Variants in HACD1 observed in about 807,000 individuals in gnomAD.
The protein encoded by HACD1 is very-long-chain (3R)-3-hydroxyacyl-CoA dehydratase 1.
Under a neutral mutation model 32.0 loss-of-function variants are expected in HACD1, and 41 were observed. That is an observed-to-expected ratio of 1.28 (90% CI 1.00 to 1.66). The LOEUF is 1.66. HACD1 is among the 40% of genes most tolerant of loss of function. HACD1 has a pLI of 0.00. For missense variants in HACD1, 396 were observed against 380.1 expected (o/e 1.04, Z -0.35); for synonymous variants, 142 against 139.0 (o/e 1.02, Z -0.15).
chr10:17,616,644 T>TAA (rs11343373), intron 1 of HACD1, among the ~76,000 whole-genome samples: 1,514 of 125,244 alleles, frequency 0.012, 40 homozygotes, highest in African/African-American at 0.043. Flanking sequence ...TGCTGTGCTT[T>TAA]AAAAAAAAAA....
In HACD1 at chr10:17,617,218, G is replaced by A. The variant is rs1554818261; in HGVS notation, c.122C>T (p.Ala41Val). The A allele has an allele frequency of 2.0e-6, 3 of 1,492,280 alleles. No individual in the cohort carries two copies. Among genetic ancestry groups the A allele is most frequent in the Non-Finnish European group, 2.7e-6 (3 of 1,126,334 alleles). The allele number at this position is 1,492,280 out of a possible 1,614,324, so 92.4% of individuals were successfully genotyped here. ...GTTGGTGCCGTCCTCGTCGCTGGAC[G>A]CCATGGTGGCCGCGCACCTGGGGGA... is the stretch of plus-strand genomic sequence containing the variant. The part of the protein sequence containing the change: ...PTSPRCAATM[A>V]SSDEDGTNGG... Residue 41 changes from alanine (A) to valine (V), a missense_variant, in exon 1 of 7, where the codon GCG (alanine) becomes GTG (valine). Coordinates refer to ENST00000361271, the MANE Select transcript of HACD1 (RefSeq NM_014241.4).
intron 4 of HACD1, among the ~76,000 whole-genome samples, chr10:17,602,237 T>C (rs1554816603): frequency 6.6e-6 from 1 of 151,940 alleles, no homozygotes. Context: ...ATCTGGCTGA[T>C]TTTTGTATTT....
intron 5 of HACD1, among the ~76,000 whole-genome samples, chr10:17,595,052 T>C (rs968220169): frequency 9.2e-5 from 14 of 151,834 alleles, no homozygotes; most frequent in Non-Finnish European, 1.9e-4. Flanking sequence ...AGAGACAGGG[T>C]TTCACCATGT....
intron 1 of HACD1, among the ~76,000 whole-genome samples, chr10:17,605,426 G>A (rs1462762672): frequency 6.6e-6 from 1 of 151,772 alleles, no homozygotes; most frequent in Non-Finnish European, 1.5e-5. Context: ...TCCGGAGGCT[G>A]AGGCAGGAGA....
At chr10:17,614,914 G>A (rs1194894577) in intron 1 of HACD1, among the ~76,000 whole-genome samples, 3 of 152,108 alleles carry the variant, frequency 2.0e-5, no homozygotes, top group East Asian at 2.0e-4. Context: ...CATGGCGCCC[G>A]GCTAATTTTT....
At chr10:17,606,856 A>G (rs1554817107) in intron 1 of HACD1, among the ~76,000 whole-genome samples, 3 of 152,164 alleles carry the variant, frequency 2.0e-5, no homozygotes, top group Admixed American at 6.5e-5. Flanking sequence ...ACTGTTTTCA[A>G]TTCATAACAT....
intron 1 of HACD1, among the ~76,000 whole-genome samples, chr10:17,615,184 A>G (rs1554817884): frequency 6.6e-6 from 1 of 152,262 alleles, no homozygotes; most frequent in African/African-American, 2.4e-5. Context: ...TTCCAAGAGT[A>G]TAATTTAGGA....
chr10:17,616,221 A>T, intron 1 of HACD1, among the ~76,000 whole-genome samples: 1 of 109,166 alleles, frequency 9.2e-6, no homozygotes, highest in East Asian at 2.3e-4. Context: ...GTGAGCCGAG[A>T]TCCCGCCACT....
intron 1 of HACD1, among the ~76,000 whole-genome samples, chr10:17,614,241 C>G (rs1833036439): frequency 6.6e-6 from 1 of 151,984 alleles, no homozygotes; most frequent in Admixed American, 6.6e-5. Context: ...ACATCCTGGG[C>G]AATATAGCAA....
At chr10:17,613,126 G>C in intron 1 of HACD1, among the ~76,000 whole-genome samples, 1 of 139,202 alleles carries the variant, frequency 7.2e-6, no homozygotes, top group African/African-American at 2.6e-5. Flanking sequence ...GTGTGTGTGT[G>C]TGTGTGTGTG....
At chr10:17,600,309 C>G (rs1386325807) in intron 4 of HACD1, among the ~76,000 whole-genome samples, 1 of 152,176 alleles carries the variant, frequency 6.6e-6, no homozygotes, top group Non-Finnish European at 1.5e-5. Flanking sequence ...CAGTTATTTG[C>G]TCACCACCTT....
At chr10:17,613,550 T>G (rs1282709512) in intron 1 of HACD1, among the ~76,000 whole-genome samples, 1 of 152,230 alleles carries the variant, frequency 6.6e-6, no homozygotes, top group Non-Finnish European at 1.5e-5. Context: ...TCTCTATGTA[T>G]GCAAATCTTA....
At chr10:17,608,806 C>A (rs1439474796) in intron 1 of HACD1, among the ~76,000 whole-genome samples, 1 of 152,096 alleles carries the variant, frequency 6.6e-6, no homozygotes, top group Non-Finnish European at 1.5e-5. Context: ...ATATATTGTT[C>A]ATTGACACCT....
intron 4 of HACD1, among the ~76,000 whole-genome samples, chr10:17,601,878 C>G (rs1834074501): frequency 6.6e-6 from 1 of 151,868 alleles, no homozygotes; most frequent in Non-Finnish European, 1.5e-5. Context: ...AGTGAGCTGT[C>G]CCCATGCAGA....
intron 1 of HACD1, among the ~76,000 whole-genome samples, chr10:17,605,411 G>A (rs978021635): frequency 1.8e-4 from 28 of 151,784 alleles, no homozygotes; most frequent in African/African-American, 6.5e-4. Flanking sequence ...TGTAGTCCCA[G>A]CTACTCCGGA....
At position 17,603,975 on chromosome 10, in the gene HACD1, A is replaced by G. The variant is rs2131513073; in HGVS notation, c.330T>C (p.Ser110=). ...GGAAAAATTTAAGTGTCTTCTGAAT[A>G]CTTTTATATAAACCTCTGTGTGTTC... The part of the protein sequence containing the change: ...EKGTHRGLYK[S]IQKTLKFFQT... Residue 110 remains serine (S), a synonymous_variant, in exon 2 of 7, where the codon AGT becomes AGC. Transcript: ENST00000361271. 6.2e-7 allele frequency: 1 copy of G among 1,612,748 alleles called. No individual in the cohort carries two copies. Among genetic ancestry groups the G allele is most frequent in the Non-Finnish European group, 8.5e-7 (1 of 1,179,530 alleles).
intron 1 of HACD1, among the ~76,000 whole-genome samples, chr10:17,609,051 A>C (rs1409426420): frequency 6.6e-6 from 1 of 152,122 alleles, no homozygotes; most frequent in African/African-American, 2.4e-5. Context: ...ATATTTGCAA[A>C]TCACATATCT....
chr10:17,617,147 G>T lies in HACD1; in HGVS notation c.193C>A (p.Arg65=). ...GTGGCCAAGACCCCCAGGCGCCTCC[G>T]CTCGCCGGGAGCCTCCCGGTCCTCG... ...AGEDREAPGE[R]RRLGVLATAW... Residue 65 remains arginine (R), a synonymous_variant, in exon 1 of 7, where the codon CGG becomes AGG. Coordinates refer to ENST00000361271, the MANE Select transcript of HACD1 (RefSeq NM_014241.4). The T allele has an allele frequency of 6.6e-7, 1 of 1,507,674 alleles. No homozygotes were observed. Among genetic ancestry groups the T allele is most frequent in the Non-Finnish European group, 8.8e-7 (1 of 1,131,616 alleles). 93.4% of individuals were successfully genotyped at this position (1,507,674 alleles called of 1,614,324 possible).
intron 5 of HACD1, among the ~76,000 whole-genome samples, chr10:17,595,943 A>C (rs1043771408): frequency 2.6e-5 from 4 of 152,078 alleles, no homozygotes; most frequent in Non-Finnish European, 5.9e-5. Flanking sequence ...CCAAGACCGC[A>C]CCACTGTACT....
Sources: gnomAD v4.1 joint callset for allele counts (sites outside exome capture counted in the v4.1 genomes callset) on GRCh38, gnomAD v4.1.1 for gene constraint, MANE v1.5 for transcripts, NCBI Gene and HGNC (gene_info 2026-07-23, HGNC 2026-07-21) for gene names.